C8A: variants seen among roughly 807,000 people sequenced by gnomAD.
The protein encoded by C8A is complement C8 alpha chain.
Under a neutral mutation model 65.3 loss-of-function variants are expected in C8A, and 67 were observed. That is an observed-to-expected ratio of 1.03 (90% CI 0.84 to 1.26). C8A has a LOEUF of 1.26. Ranked by LOEUF, C8A falls within the 50% of genes most tolerant of loss-of-function variation. The pLI, the probability that C8A is intolerant of heterozygous loss-of-function variation, is 0.00. For synonymous variants in C8A, 290 were observed against 259.4 expected (o/e 1.12, Z -1.13); for missense variants, 781 against 723.9 (o/e 1.08, Z -0.90).
At chr1:56,855,984 C>T (rs1018586540) in intron 1 of C8A, among the ~76,000 whole-genome samples, 7 of 151,926 alleles carry the variant, frequency 4.6e-5, no homozygotes, top group Admixed American at 2.6e-4. Context: ...AGGAAATCTC[C>T]GCCGAGATAT....
Position 56,917,708 on chromosome 1 carries a change from G to A in C8A, c.1747G>A (p.Ala583Thr), listed in dbSNP as rs760482784. Residue 583 changes from alanine to threonine, a missense_variant, in exon 11 of 11, where the codon GCT becomes ACT. Coordinates refer to ENST00000361249, the MANE Select transcript of C8A (RefSeq NM_000562.3). ...TCCAGGGCGGAAAGTACAGACGCAG[G>A]CTTGCTGAGGGCCTCTGGACACAGG... ...SCPGRKVQTQ[A>T]C The A allele has an allele frequency of 6.2e-7, 1 of 1,614,106 alleles. No homozygotes were observed. Among genetic ancestry groups the A allele is most frequent in the South Asian group, 1.1e-5 (1 of 91,076 alleles).
intron 2 of C8A, among the ~76,000 whole-genome samples, chr1:56,870,203 G>A (rs1247093913): frequency 6.6e-6 from 1 of 152,134 alleles, no homozygotes; most frequent in East Asian, 1.9e-4. Context: ...GAGGCCAGAA[G>A]TCTGAAATCC....
chr1:56,870,370 G>A (rs1330591908), intron 2 of C8A, among the ~76,000 whole-genome samples: 2 of 152,030 alleles, frequency 1.3e-5, no homozygotes, highest in African/African-American at 2.4e-5. Flanking sequence ...AGCTTTTGGT[G>A]GCATTGACAA....
chr1:56,903,929 CA>C (rs1207135654), intron 7 of C8A, among the ~76,000 whole-genome samples: 1 of 152,160 alleles, frequency 6.6e-6, no homozygotes, highest in Non-Finnish European at 1.5e-5. Context: ...TCACTGAGTT[CA>C]AAAGCCCCAA....
rs1644291266 is a variant in C8A, at chr1:56,885,472, T to A, written c.856-455T>A. ...TATATATATTTCCGTAAATATATATTTATTTAAATATATATTTACGTAAAT... is the reference window on the plus strand; with the variant it reads ...TATATATATTTCCGTAAATATATATATATTTAAATATATATTTACGTAAAT... On this transcript the variant is annotated intron_variant, in intron 6 of 10. Coordinates refer to ENST00000361249, the MANE Select transcript of C8A (RefSeq NM_000562.3). 4.8e-5 allele frequency among the ~76,000 whole-genome samples: 5 copies of A among 104,182 alleles called. No individual in the cohort carries two copies. The South Asian group carries it at 1.5e-3, about 31-fold the overall frequency. 68.3% of individuals were successfully genotyped at this position (104,182 alleles called of 152,430 possible). A position where few individuals can be genotyped will look rare whatever the true frequency, so the allele number is the denominator to read the frequency against.
chr1:56,889,842 C>A (rs866815346), intron 7 of C8A, among the ~76,000 whole-genome samples: 3 of 152,160 alleles, frequency 2.0e-5, no homozygotes, highest in South Asian at 4.2e-4. Flanking sequence ...CAGCATGAAA[C>A]CATGCATCAA....
intron 9 of C8A, among the ~76,000 whole-genome samples, chr1:56,909,502 T>C (rs540075723): frequency 6.6e-6 from 1 of 152,226 alleles, no homozygotes; most frequent in Non-Finnish European, 1.5e-5. Flanking sequence ...ATCAAGCTAT[T>C]AGTGATTTGA....
At chr1:56,900,293 T>TC (rs763042891) in intron 7 of C8A, among the ~76,000 whole-genome samples, 7 of 152,230 alleles carry the variant, frequency 4.6e-5, no homozygotes, top group Non-Finnish European at 8.8e-5. Flanking sequence ...GACCTGATTC[T>TC]TGGGCCTGTT....
chr1:56,865,004 C>G (rs1394272337), intron 1 of C8A, among the ~76,000 whole-genome samples: 1 of 152,094 alleles, frequency 6.6e-6, no homozygotes, highest in African/African-American at 2.4e-5. Flanking sequence ...AAAAAATAAA[C>G]AAACAAACAA....
In C8A at chr1:56,862,337, T is replaced by C. The variant is rs957821565; in HGVS notation, c.78-5272T>C. Among the ~76,000 whole-genome samples, 4 of 151,732 alleles carry C rather than the reference T, an allele frequency of 2.6e-5. 1 individual carries two copies. The highest frequency in any genetic ancestry group is 4.1e-4 in the South Asian group (2 of 4,830). On this transcript the variant is annotated intron_variant, in intron 1 of 10. Transcript: ENST00000361249. Reference sequence around the variant, plus strand: ...TTCTTTTACATCGGTGTTTCAACTGTGTTACATAGTCTTACAGATGATGCA... The same window carrying C: ...TTCTTTTACATCGGTGTTTCAACTGCGTTACATAGTCTTACAGATGATGCA...
intron 4 of C8A, among the ~76,000 whole-genome samples, chr1:56,879,437 T>A (rs1644229651): frequency 6.6e-6 from 1 of 152,174 alleles, no homozygotes; most frequent in Non-Finnish European, 1.5e-5. Flanking sequence ...ATAGGCTTTA[T>A]GCTTAGAGGT....
At chr1:56,867,449 C>T (rs551517919) in intron 1 of C8A, among the ~76,000 whole-genome samples, 160 bp from the exon 2 acceptor site, 4 of 152,310 alleles carry the variant, frequency 2.6e-5, no homozygotes, top group African/African-American at 7.2e-5. Context: ...CATACACTCT[C>T]TCATTTCTGT....
intron 2 of C8A, among the ~76,000 whole-genome samples, chr1:56,871,861 T>C (rs1469111524): frequency 6.6e-6 from 1 of 152,178 alleles, no homozygotes; most frequent in Non-Finnish European, 1.5e-5. Flanking sequence ...AAGTACCTAC[T>C]GTGTCTGATT....
At chr1:56,880,377 A>T (rs960213207) in intron 4 of C8A, among the ~76,000 whole-genome samples, 2 of 152,162 alleles carry the variant, frequency 1.3e-5, no homozygotes, top group Admixed American at 1.3e-4. Context: ...TGAATGCCTA[A>T]TATGTACTTT....
intron 7 of C8A, among the ~76,000 whole-genome samples, chr1:56,894,023 T>A (rs1184981444): frequency 6.6e-6 from 1 of 152,162 alleles, no homozygotes; most frequent in Non-Finnish European, 1.5e-5. Flanking sequence ...GAGTAAGAGT[T>A]CAAAAATGTT....
intron 7 of C8A, among the ~76,000 whole-genome samples, chr1:56,905,662 C>G (rs1034926743): frequency 3.3e-5 from 5 of 152,150 alleles, no homozygotes; most frequent in African/African-American, 1.2e-4. Context: ...AATGACAGGT[C>G]TAAATTATTT....
chr1:56,879,457 C>G (rs896835354), intron 4 of C8A, among the ~76,000 whole-genome samples: 2 of 152,106 alleles, frequency 1.3e-5, no homozygotes, highest in African/African-American at 4.8e-5. Context: ...TTATATTATA[C>G]TCTTAGGGAT....
intron 1 of C8A, 65 bp downstream of exon 1, chr1:56,855,043 C>G: frequency 8.4e-7 from 1 of 1,195,366 alleles, no homozygotes; most frequent in Non-Finnish European, 1.2e-6. Context: ...AACTAAGACA[C>G]TTTTATGTTT....
chr1:56,893,899 A>T (rs368772053), intron 7 of C8A, among the ~76,000 whole-genome samples: 1 of 152,168 alleles, frequency 6.6e-6, no homozygotes, highest in Non-Finnish European at 1.5e-5. Context: ...AGTTTACCTC[A>T]CTGTACCTCA....
Sources: allele counts gnomAD v4.1 joint callset (sites outside exome capture counted in the v4.1 genomes callset), GRCh38; gene constraint gnomAD v4.1.1; transcripts MANE v1.5; gene names NCBI Gene and HGNC (gene_info 2026-07-23, HGNC 2026-07-21).